MAN2A1: variants seen among roughly 807,000 people sequenced by gnomAD.
The protein encoded by MAN2A1 is alpha-mannosidase 2.
MAN2A1 carries 76 observed loss-of-function variants against 142.6 expected under a neutral mutation model. That is an observed-to-expected ratio of 0.53 (90% confidence interval 0.44 to 0.65). The LOEUF is 0.65. Ranked by LOEUF, MAN2A1 falls within the 30% of genes least tolerant of loss-of-function variation. MAN2A1 has a pLI of 0.00. For missense variants in MAN2A1, 1,311 were observed against 1,365.1 expected, an observed-to-expected ratio of 0.96 and a Z score of 0.62; for synonymous variants, 559 against 473.2, an observed-to-expected ratio of 1.18 and a Z score of -2.35.
chr5:109,773,026 G>C (rs1356296742), intron 7 of MAN2A1, among the ~76,000 whole-genome samples: 1 of 151,986 alleles, frequency 6.6e-6, no homozygotes, highest in African/African-American at 2.4e-5. Flanking sequence ...TATTTTTCTT[G>C]GTTACAGTTA....
intron 4 of MAN2A1, among the ~76,000 whole-genome samples, chr5:109,743,027 A>G (rs1326020168): frequency 6.6e-6 from 1 of 152,168 alleles, no homozygotes; most frequent in Non-Finnish European, 1.5e-5. Flanking sequence ...TCCCTTGGAT[A>G]CTTTCTCAAG....
intron 21 of MAN2A1, chr5:109,865,461 C>T: frequency 3.0e-6 from 1 of 331,068 alleles, no homozygotes; most frequent in Non-Finnish European, 5.8e-6. Flanking sequence ...CTCCCCTGAA[C>T]CACACATGCT....
At chr5:109,746,149 A>AT (rs1243148029) in intron 4 of MAN2A1, among the ~76,000 whole-genome samples, 3 of 151,802 alleles carry the variant, frequency 2.0e-5, no homozygotes, top group African/African-American at 7.3e-5. Flanking sequence ...TAATTTTTGT[A>AT]TTTTTTGTGG....
intron 1 of MAN2A1, 91 bp downstream of exon 1, chr5:109,690,643 G>A (rs1750640535): frequency 7.1e-7 from 1 of 1,413,560 alleles, no homozygotes; most frequent in Admixed American, 2.0e-5. Flanking sequence ...TCCTCCCGCC[G>A]CGGCCCCACA....
intron 3 of MAN2A1, among the ~76,000 whole-genome samples, chr5:109,728,864 A>G (rs1751820950): frequency 6.6e-6 from 1 of 152,106 alleles, no homozygotes; most frequent in Non-Finnish European, 1.5e-5. Flanking sequence ...GGTATAGTTT[A>G]TACTTGCAAT....
rs1751821254 is a variant in MAN2A1 at position 109,728,877 on chromosome 5, CT to C, written c.536-459del. 2.6e-5 allele frequency among the ~76,000 whole-genome samples: 4 copies of C among 152,190 alleles called. No homozygotes were observed. In the South Asian group the frequency reaches 8.3e-4, roughly 32 times the overall value. On this transcript the variant is annotated intron_variant, in intron 3 of 21. Coordinates refer to ENST00000261483, the MANE Select transcript of MAN2A1 (RefSeq NM_002372.4). ...TAGGTATAGTTTATACTTGCAATCT[CT>C]TTTTTCTTAGTTTAACTTATTTAAT...
chr5:109,756,470 A>G (rs1752692866), intron 5 of MAN2A1, among the ~76,000 whole-genome samples: 1 of 152,162 alleles, frequency 6.6e-6, no homozygotes, highest in Non-Finnish European at 1.5e-5. Context: ...TCCCTTAGAG[A>G]TAAAATTCTT....
At chr5:109,837,288 T>C (rs1271628942) in intron 16 of MAN2A1, among the ~76,000 whole-genome samples, 3 of 151,842 alleles carry the variant, frequency 2.0e-5, no homozygotes, top group Non-Finnish European at 4.4e-5. Context: ...TGGGTTGTTT[T>C]AAAGAGTTTT....
chr5:109,839,782 A>G (rs1270260910), intron 16 of MAN2A1, among the ~76,000 whole-genome samples: 1 of 152,060 alleles, frequency 6.6e-6, no homozygotes, highest in African/African-American at 2.4e-5. Context: ...TATATACCGG[A>G]AAGAAATTCA....
intron 12 of MAN2A1, among the ~76,000 whole-genome samples, chr5:109,800,088 CAAAA>C (rs3065546): frequency 5.6e-5 from 7 of 124,074 alleles, no homozygotes; most frequent in Admixed American, 8.1e-5. Flanking sequence ...ACTGTTGTCT[CAAAA>C]AAAAAAAAAA....
chr5:109,758,345 A>T (rs1260270472), intron 5 of MAN2A1, among the ~76,000 whole-genome samples: 1 of 151,946 alleles, frequency 6.6e-6, no homozygotes, highest in African/African-American at 2.4e-5. Flanking sequence ...GTCTATTCTA[A>T]TTATTTTCCT....
At chr5:109,832,824 ACCTCCTG>A (rs1341466441) in intron 16 of MAN2A1, among the ~76,000 whole-genome samples, 10 of 149,578 alleles carry the variant, frequency 6.7e-5, no homozygotes, top group African/African-American at 2.2e-4. Context: ...GCTGTCCCCC[ACCTCCTG>A]GAGGGGGCGG....
intron 5 of MAN2A1, among the ~76,000 whole-genome samples, chr5:109,760,358 C>T (rs1752809640): frequency 6.6e-6 from 1 of 152,088 alleles, no homozygotes; most frequent in African/African-American, 2.4e-5. Flanking sequence ...GTATATGTGC[C>T]ATATTTTCTT....
intron 10 of MAN2A1, among the ~76,000 whole-genome samples, chr5:109,786,612 A>G (rs1753601720): frequency 6.6e-6 from 1 of 152,114 alleles, no homozygotes; most frequent in Non-Finnish European, 1.5e-5. Context: ...AGTACTTCAC[A>G]GTTCATTGAA....
At chr5:109,739,185 C>A (rs1257124260) in intron 4 of MAN2A1, among the ~76,000 whole-genome samples, 1 of 152,014 alleles carries the variant, frequency 6.6e-6, no homozygotes, top group South Asian at 2.1e-4. Flanking sequence ...TTTCTCTTCT[C>A]TCTTAAAGCT....
chr5:109,845,187 G>C (rs933098303), intron 17 of MAN2A1, among the ~76,000 whole-genome samples: 1 of 152,018 alleles, frequency 6.6e-6, no homozygotes, highest in Admixed American at 6.6e-5. Context: ...CTGATAATAG[G>C]GTTCTGAGCT....
chr5:109,796,633 A>G (rs957955046), intron 12 of MAN2A1, among the ~76,000 whole-genome samples: 1 of 152,200 alleles, frequency 6.6e-6, no homozygotes, highest in African/African-American at 2.4e-5. Context: ...GCTCAAGGAA[A>G]TTGCTGTTGG....
At chr5:109,789,370 T>C in intron 11 of MAN2A1, 90 bp from the exon 12 acceptor site, 1 of 760,952 alleles carries the variant, frequency 1.3e-6, no homozygotes, top group Non-Finnish European at 2.1e-6. Context: ...AATCTGTTCC[T>C]CCTAAACTTG....
chr5:109,817,262 TG>T lies in MAN2A1; in HGVS notation c.1944-10del, dbSNP rs1460566157. ...TTTGAGATCCCAATAATGAAGCAGCTGTTTTTGCAGGTACCTTGTGGTCTAT... is the reference window on the plus strand; with the variant it reads ...TTTGAGATCCCAATAATGAAGCAGCTTTTTTGCAGGTACCTTGTGGTCTAT... On this transcript the variant is annotated splice_polypyrimidine_tract_variant and intron_variant, in intron 12 of 21. Coordinates refer to ENST00000261483, the MANE Select transcript of MAN2A1 (RefSeq NM_002372.4). 1.2e-6 allele frequency: 2 copies of T among 1,611,662 alleles called. No homozygotes were observed. Among genetic ancestry groups the T allele is most frequent in the African/African-American group, 2.7e-5 (2 of 74,810 alleles).
Sources: allele counts gnomAD v4.1 joint callset (sites outside exome capture counted in the v4.1 genomes callset), GRCh38; gene constraint gnomAD v4.1.1; transcripts MANE v1.5; gene names NCBI Gene and HGNC (gene_info 2026-07-23, HGNC 2026-07-21).